UTRN: variants seen among roughly 807,000 people sequenced by gnomAD.
The protein encoded by UTRN is utrophin, also known as dystrophin-related protein 1.
In UTRN, 283 loss-of-function variants were observed where a neutral mutation model predicts 463.9. That is an observed-to-expected ratio of 0.61 (90% CI 0.55 to 0.67). The LOEUF (loss-of-function observed/expected upper bound fraction) is 0.67, where lower values mean the gene tolerates loss of function less well. Ranked by LOEUF, UTRN falls within the 30% of genes least tolerant of loss-of-function variation. The pLI is 0.00. For synonymous variants in UTRN, 1,442 were observed against 1,431.5 expected, an observed-to-expected ratio of 1.01 and a Z score of -0.17; for missense variants, 3,922 against 4,084.3, an observed-to-expected ratio of 0.96 and a Z score of 1.08.
chr6:144,330,813 G>A (rs913801260), intron 2 of UTRN: 4 of 985,278 alleles, frequency 4.1e-6, no homozygotes, highest in South Asian at 9.4e-5. Context: ...ATCTATCCAC[G>A]GTTCCCATAC....
chr6:144,433,099 A>C lies in UTRN; in HGVS notation c.856-2836A>C, dbSNP rs1227256798. On this transcript the variant is annotated intron_variant, in intron 9 of 74. Transcript: ENST00000367545. ...CATGTCTCCTTCTTTCTACACAGAC[A>C]CGGCAACCATCCGATTTCTCAATCT... is the stretch of plus-strand genomic sequence containing the variant. Among the ~76,000 whole-genome samples the C allele has an allele frequency of 2.0e-5, 3 of 152,284 alleles. No homozygotes were observed. The East Asian group carries it at 5.8e-4, about 29-fold the overall frequency.
At chr6:144,519,143 A>G (rs940798347) in intron 39 of UTRN, among the ~76,000 whole-genome samples, 2 of 152,172 alleles carry the variant, frequency 1.3e-5, no homozygotes, top group African/African-American at 2.4e-5. Context: ...TAAATTATGT[A>G]TGAGCACTTT....
intron 10 of UTRN, among the ~76,000 whole-genome samples, chr6:144,437,298 A>G (rs1786658684): frequency 6.6e-6 from 1 of 152,168 alleles, no homozygotes; most frequent in African/African-American, 2.4e-5. Flanking sequence ...ATCTATGAGT[A>G]GCATAGTCAG....
At chr6:144,471,461 G>T (rs1253725522) in intron 23 of UTRN, among the ~76,000 whole-genome samples, 1 of 152,222 alleles carries the variant, frequency 6.6e-6, no homozygotes, top group African/African-American at 2.4e-5. Flanking sequence ...AGTGCAGAAT[G>T]GAGATTAGCA....
At chr6:144,573,846 A>G (rs764030273) in intron 50 of UTRN, among the ~76,000 whole-genome samples, 1 of 152,236 alleles carries the variant, frequency 6.6e-6, no homozygotes, top group South Asian at 2.1e-4. Flanking sequence ...TACGAAAACT[A>G]TATAATGTAG....
Position 144,429,633 on chromosome 6 carries a change from T to C in UTRN, c.747T>C (p.Ser249=), listed in dbSNP as rs761666694. The change falls in exon 9 of 75, where the codon TCT becomes TCC. Residue 249 remains serine (S), a synonymous_variant. Coordinates refer to ENST00000367545, the MANE Select transcript of UTRN (RefSeq NM_007124.3). ...AATCCATAATTATGTATTTAACATC[T>C]TTGTTTGAGGTGCTACCTCAGCAAG... is the stretch of plus-strand genomic sequence containing the variant. ...DKKSIIMYLT[S]LFEVLPQQVT... is the part of the protein sequence containing the mutation. The C allele has an allele frequency of 1.3e-5, 21 of 1,612,590 alleles. No homozygotes were observed. The highest frequency in any genetic ancestry group is 1.7e-5 in the Admixed American group (1 of 59,704).
chr6:144,786,045 A>G (rs9484906), intron 61 of UTRN, among the ~76,000 whole-genome samples: 2,608 of 152,274 alleles, frequency 0.017, 69 homozygotes, highest in African/African-American at 0.059. Context: ...TTATAAAGTA[A>G]ATGTCTTTAT....
At chr6:144,394,777 C>G (rs1019508612) in intron 2 of UTRN, among the ~76,000 whole-genome samples, 1 of 151,236 alleles carries the variant, frequency 6.6e-6, no homozygotes, top group Non-Finnish European at 1.5e-5. Context: ...TTGTTTTATT[C>G]TGTGAATTTA....
intron 51 of UTRN, among the ~76,000 whole-genome samples, chr6:144,598,388 T>C (rs1401415708): frequency 6.6e-6 from 1 of 152,200 alleles, no homozygotes; most frequent in African/African-American, 2.4e-5. Flanking sequence ...AGGGAGTGTC[T>C]GGGTTAAGAT....
At chr6:144,497,395 A>T (rs6905907) in intron 33 of UTRN, among the ~76,000 whole-genome samples, 15,068 of 151,086 alleles carry the variant, frequency 0.1, 2,135 homozygotes, top group African/African-American at 0.32. Flanking sequence ...AAGATAGAGG[A>T]CCGGGTGCGG....
At position 144,835,739 on chromosome 6, in the gene UTRN, C is replaced by G. The variant is rs1458822922; in HGVS notation, c.9666-41C>G. 2.5e-6 allele frequency: 4 copies of G among 1,610,788 alleles called. No individual in the cohort carries two copies. The East Asian group carries it at 8.9e-5, about 36-fold the overall frequency. ...CCTTTATGTCCAAAAACATCACCAT[C>G]CAGATGTGAGCCTCTGGGTCTGTTT... On this transcript the variant is annotated intron_variant, in intron 69 of 74. Coordinates refer to ENST00000367545, the MANE Select transcript of UTRN (RefSeq NM_007124.3).
chr6:144,779,470 A>G (rs535706743), intron 60 of UTRN, among the ~76,000 whole-genome samples: 3 of 152,324 alleles, frequency 2.0e-5, no homozygotes, highest in Admixed American at 1.3e-4. Context: ...TAGAGAAAAG[A>G]AAATTTTAAG....
At chr6:144,632,580 G>A (rs1477552554) in intron 51 of UTRN, among the ~76,000 whole-genome samples, 1 of 152,014 alleles carries the variant, frequency 6.6e-6, no homozygotes, top group Admixed American at 6.6e-5. Flanking sequence ...CCTCAGTCTT[G>A]AACTGCAGAA....
chr6:144,627,669 T>C (rs1485992055), intron 51 of UTRN, among the ~76,000 whole-genome samples: 1 of 152,208 alleles, frequency 6.6e-6, no homozygotes, highest in Non-Finnish European at 1.5e-5. Context: ...TACCTGAGAA[T>C]TTGACTACTC....
intron 51 of UTRN, among the ~76,000 whole-genome samples, chr6:144,620,846 A>G (rs1217692895): frequency 1.3e-5 from 2 of 152,218 alleles, no homozygotes; most frequent in African/African-American, 2.4e-5. Context: ...AAGGAAAAGA[A>G]GAGACATGGT....
chr6:144,580,885 C>A (rs781250591), intron 51 of UTRN, among the ~76,000 whole-genome samples: 3 of 152,102 alleles, frequency 2.0e-5, no homozygotes, highest in Non-Finnish European at 4.4e-5. Flanking sequence ...ACTCATGTAG[C>A]CATCCAGGCT....
At chr6:144,674,882 G>T (rs1041274631) in intron 51 of UTRN, among the ~76,000 whole-genome samples, 2 of 152,144 alleles carry the variant, frequency 1.3e-5, no homozygotes, top group Non-Finnish European at 2.9e-5. Context: ...CTTTAAGGTA[G>T]TTTTTACCTT....
At chr6:144,606,669 G>C (rs1253507013) in intron 51 of UTRN, among the ~76,000 whole-genome samples, 3 of 152,124 alleles carry the variant, frequency 2.0e-5, no homozygotes, top group Non-Finnish European at 4.4e-5. Context: ...TCTCGAATTG[G>C]ATTCTATAAA....
At chr6:144,708,133 G>C in intron 53 of UTRN, 1 of 367,292 alleles carries the variant, frequency 2.7e-6, no homozygotes, top group South Asian at 3.3e-5. Context: ...TAACTTATTT[G>C]GTTATCAGTG....
Sources: gnomAD v4.1 joint callset for allele counts (sites outside exome capture counted in the v4.1 genomes callset) on GRCh38, gnomAD v4.1.1 for gene constraint, MANE v1.5 for transcripts, NCBI Gene and HGNC (gene_info 2026-07-23, HGNC 2026-07-21) for gene names.